Variants in ARCN1 observed in about 807,000 individuals in gnomAD.
ARCN1 encodes coatomer subunit delta.
A neutral mutation model predicts 60.4 loss-of-function variants in ARCN1; 5 were observed. That is an observed-to-expected ratio of 0.08 (90% CI 0.04 to 0.17). The LOEUF (loss-of-function observed/expected upper bound fraction) is 0.17, where lower values mean the gene tolerates loss of function less well. Among genes scored for constraint, ARCN1 ranks in the 10% least tolerant of loss-of-function variants. The pLI is 1.00. For missense variants in ARCN1, 464 were observed against 626.5 expected (o/e 0.74, Z 2.77); for synonymous variants, 224 against 220.0 (o/e 1.02, Z -0.16).
chr11:118,573,556 C>T (rs1591377835), intron 1 of ARCN1: 1 of 606,530 alleles, frequency 1.6e-6, no homozygotes, highest in Non-Finnish European at 3.0e-6. Flanking sequence ...TTTCAGTGCA[C>T]CTTATGTCCT....
chr11:118,578,665 T>C (rs565315831), intron 1 of ARCN1, among the ~76,000 whole-genome samples: 25 of 152,118 alleles, frequency 1.6e-4, no homozygotes, highest in Non-Finnish European at 3.1e-4. Context: ...AGAGGATCGA[T>C]GCATTCCCTG....
At chr11:118,592,948 A>G (rs905499311) in intron 7 of ARCN1, 92 bp downstream of exon 7, 49 of 1,307,364 alleles carry the variant, frequency 3.7e-5, no homozygotes, top group Non-Finnish European at 4.9e-5. Flanking sequence ...TTACCATAGC[A>G]AAGTTCTTTC....
At chr11:118,580,301 G>A (rs1353386632) in intron 1 of ARCN1, among the ~76,000 whole-genome samples, 2 of 152,076 alleles carry the variant, frequency 1.3e-5, no homozygotes, top group East Asian at 3.9e-4. Context: ...TCCAGCTTAG[G>A]TGACAAAGTG....
At position 118,584,542 on chromosome 11, in the gene ARCN1, T is replaced by A. The variant is rs1555075174; in HGVS notation, c.716T>A (p.Val239Glu). ...AAAGGAAAGGAAGTAGATAACTTTG[T>A]GGACAAATTAAAATCTGAAGGTGAA... The part of the protein sequence containing the change: ...GAKGKEVDNF[V>E]DKLKSEGETI... The change falls in exon 5 of 10, where the codon GTG (valine) becomes GAG (glutamate). Residue 239 changes from valine to glutamate, a missense_variant. This residue lies in a region of ARCN1 where 359 missense variants were observed against 440.2 expected (regional missense o/e 0.82). Transcript: ENST00000264028. 1 of 1,614,072 alleles carries A rather than the reference T, an allele frequency of 6.2e-7. No individual in the cohort carries two copies. Among genetic ancestry groups the A allele is most frequent in the East Asian group, 2.2e-5 (1 of 44,864 alleles).
At position 118,584,304 on chromosome 11, in the gene ARCN1, T is replaced by C. The variant is rs1938728535; in HGVS notation, c.654-176T>C. The stretch of plus-strand genomic sequence containing the variant: ...TTAATGCTTTATGGAATGTAGATTT[T>C]TAATCTTGATGTTCATTGATTGATT... On this transcript the variant is annotated intron_variant, in intron 4 of 9. Coordinates refer to ENST00000264028, the MANE Select transcript of ARCN1 (RefSeq NM_001655.5). Among the ~76,000 whole-genome samples the C allele has an allele frequency of 2.0e-5, 3 of 152,226 alleles. No individual in the cohort carries two copies. In the South Asian group the frequency reaches 6.2e-4, roughly 32 times the overall value.
intron 4 of ARCN1, 22 bp from the exon 5 acceptor site, chr11:118,584,458 A>C: frequency 6.3e-7 from 1 of 1,592,328 alleles, no homozygotes; most frequent in South Asian, 1.1e-5. Context: ...TTGGGTAATG[A>C]ATTTCAAATT....
chr11:118,592,751 C>T lies in ARCN1; in HGVS notation c.1027C>T (p.Leu343=). ...VDKKLFTAES[L]IGLKNPEKSF... is the part of the protein sequence containing the mutation. Reference sequence around the variant, plus strand: ...TAAAAAACTTTTCACTGCAGAGTCTCTAATTGGCCTGAAGAATCCAGAGAA... The same window carrying T: ...TAAAAAACTTTTCACTGCAGAGTCTTTAATTGGCCTGAAGAATCCAGAGAA... Residue 343 remains leucine, a synonymous_variant, in exon 7 of 10, where the codon CTA becomes TTA. Transcript: ENST00000264028. The T allele has an allele frequency of 6.2e-7, 1 of 1,614,056 alleles. No homozygotes were observed. Among genetic ancestry groups the T allele is most frequent in the Non-Finnish European group, 8.5e-7 (1 of 1,179,964 alleles).
At chr11:118,577,983 CTGTCTCTATTAAAAA>C in intron 1 of ARCN1, among the ~76,000 whole-genome samples, 1 of 152,106 alleles carries the variant, frequency 6.6e-6, no homozygotes, top group East Asian at 1.9e-4. Flanking sequence ...TGGCAAAACC[CTGTCTCTATTAAAAA>C]TAGAAAAATT....
chr11:118,579,396 G>A (rs973114110), intron 1 of ARCN1, among the ~76,000 whole-genome samples: 2 of 151,966 alleles, frequency 1.3e-5, no homozygotes, highest in Non-Finnish European at 2.9e-5. Context: ...AAAATAGGCC[G>A]GGCGGTGGCT....
At chr11:118,587,975 G>A (rs542980061) in intron 5 of ARCN1, among the ~76,000 whole-genome samples, 67 of 152,334 alleles carry the variant, frequency 4.4e-4, no homozygotes, top group African/African-American at 1.6e-3. Context: ...ATAGGGCAAG[G>A]TCTGGGAGGG....
chr11:118,584,052 T>A, intron 4 of ARCN1, 38 bp downstream of exon 4: 2 of 1,566,310 alleles, frequency 1.3e-6, no homozygotes, highest in Non-Finnish European at 1.7e-6. Flanking sequence ...AGGTGAAGGG[T>A]GTATATGTGT....
At chr11:118,578,164 AAAATAAATAAAT>A (rs10608266) in intron 1 of ARCN1, among the ~76,000 whole-genome samples, 2,078 of 141,586 alleles carry the variant, frequency 0.015, 30 homozygotes, top group African/African-American at 0.029. Flanking sequence ...ACTCTCTCAA[AAAATAAATAAAT>A]AAATAAATAA....
At chr11:118,590,627 T>A in intron 6 of ARCN1, 121 bp downstream of exon 6, 1 of 1,032,676 alleles carries the variant, frequency 9.7e-7, no homozygotes, top group Non-Finnish European at 1.4e-6. Flanking sequence ...AGCATCACTC[T>A]AAACGCTTAG....
At position 118,602,213 on chromosome 11, in the gene ARCN1, A is replaced by C. The variant is rs1351276682; in HGVS notation, c.*1499A>C. ...CCTTCCAGTCAGCCCAACATTTTCC[A>C]CCAGTCTGTCCCCATCTCTGAAATC... On this transcript the variant is annotated 3_prime_UTR_variant, in exon 10 of 10. Coordinates refer to ENST00000264028, the MANE Select transcript of ARCN1 (RefSeq NM_001655.5). 1 of 156,042 alleles carries C rather than the reference A, an allele frequency of 6.4e-6. No homozygotes were observed. The highest frequency in any genetic ancestry group is 1.4e-5 in the Non-Finnish European group (1 of 69,668). 9.7% of individuals were successfully genotyped at this position (156,042 alleles called of 1,614,324 possible). A position where few individuals can be genotyped will look rare whatever the true frequency, so the allele number is the denominator to read the frequency against.
At chr11:118,593,772 C>CTGA in intron 8 of ARCN1, 74 bp downstream of exon 8, 1 of 882,390 alleles carries the variant, frequency 1.1e-6, no homozygotes, top group South Asian at 1.6e-5. Flanking sequence ...GGAGTCAGCA[C>CTGA]CTACCTGACC....
intron 1 of ARCN1, among the ~76,000 whole-genome samples, chr11:118,578,392 T>A (rs1197896398): frequency 1.3e-5 from 2 of 152,106 alleles, no homozygotes; most frequent in Non-Finnish European, 2.9e-5. Context: ...ATATGGGGTT[T>A]CTATTAAATG....
rs1555078365 is a variant in ARCN1 at position 118,602,689 on chromosome 11, A to G, written c.*1975A>G. On this transcript the variant is annotated 3_prime_UTR_variant, in exon 10 of 10. Coordinates refer to ENST00000264028, the MANE Select transcript of ARCN1 (RefSeq NM_001655.5). ...AAGGGCTTGGGACAAGAAGTCTGTCATGTTAGTTAAGCAGGCAAGAAATCC... is the reference window on the plus strand; with the variant it reads ...AAGGGCTTGGGACAAGAAGTCTGTCGTGTTAGTTAAGCAGGCAAGAAATCC... 6.5e-6 allele frequency: 1 copy of G among 153,788 alleles called. No homozygotes were observed. Among genetic ancestry groups the G allele is most frequent in the African/African-American group, 2.4e-5 (1 of 41,458 alleles). 9.5% of individuals were successfully genotyped at this position (153,788 alleles called of 1,614,324 possible).
chr11:118,579,387 A>G (rs1406208470), intron 1 of ARCN1, among the ~76,000 whole-genome samples: 3 of 151,984 alleles, frequency 2.0e-5, no homozygotes, highest in South Asian at 2.1e-4. Context: ...AATGCAGCCA[A>G]AATAGGCCGG....
chr11:118,588,632 AC>A (rs1367083464), intron 5 of ARCN1, among the ~76,000 whole-genome samples: 2 of 151,846 alleles, frequency 1.3e-5, no homozygotes, highest in Admixed American at 6.5e-5. Context: ...ATCACTTGAG[AC>A]CAGGAGTTCA....
Sources: gnomAD v4.1 joint callset for allele counts (sites outside exome capture counted in the v4.1 genomes callset) on GRCh38, gnomAD v4.1.1 for gene constraint, gnomAD v4.1.1 regional missense constraint, MANE v1.5 for transcripts, NCBI Gene and HGNC (gene_info 2026-07-23, HGNC 2026-07-21) for gene names.